SLC35F1: variants seen among roughly 807,000 people sequenced by gnomAD.
SLC35F1 encodes the protein solute carrier family 35 member F1.
Under a neutral mutation model 48.7 loss-of-function variants are expected in SLC35F1, and 14 were observed. The ratio of observed to expected loss-of-function variants is 0.29; its 90% CI spans 0.19 to 0.45. The LOEUF (loss-of-function observed/expected upper bound fraction) is 0.45. SLC35F1 is among the 20% of genes least tolerant of loss of function. SLC35F1 has a pLI of 1.00. For synonymous variants in SLC35F1, 190 were observed against 202.2 expected (o/e 0.94, Z 0.51); for missense variants, 404 against 500.0 (o/e 0.81, Z 1.83).
At chr6:118,165,035 C>G (rs1451979063) in intron 2 of SLC35F1, among the ~76,000 whole-genome samples, 1 of 152,124 alleles carries the variant, frequency 6.6e-6, no homozygotes, top group Non-Finnish European at 1.5e-5. Flanking sequence ...ACAATAGGAA[C>G]CCCAAATCTT....
At chr6:118,294,441 C>G (rs1435505681) in intron 7 of SLC35F1, among the ~76,000 whole-genome samples, 3 of 152,202 alleles carry the variant, frequency 2.0e-5, no homozygotes, top group Non-Finnish European at 2.9e-5. Context: ...AAAATAGCAG[C>G]TGACATGAAA....
At position 118,212,732 on chromosome 6, in the gene SLC35F1, AAGGAAGG is replaced by A. The variant is rs1264103061; in HGVS notation, c.350-22775_350-22769del. Among the ~76,000 whole-genome samples the A allele has an allele frequency of 1.0e-2, 313 of 31,358 alleles. 5 individuals are homozygous for A. The highest frequency in any genetic ancestry group is 0.01 in the Non-Finnish European group (169 of 16,742). 20.6% of individuals were successfully genotyped at this position (31,358 alleles called of 152,430 possible). ...AGGAAAGGAAGGAAGGAAGGAAAGG[AAGGAAGG>A]AAGGAAGGAAGGAAGGAAGGAAGGA... On this transcript the variant is annotated intron_variant, in intron 2 of 7. Transcript: ENST00000360388.
chr6:118,210,718 C>T (rs955868133), intron 2 of SLC35F1, among the ~76,000 whole-genome samples: 1 of 152,162 alleles, frequency 6.6e-6, no homozygotes, highest in African/African-American at 2.4e-5. Context: ...CAAGGGGAAC[C>T]TGTTGTGTCT....
chr6:118,192,734 C>G (rs188936009), intron 2 of SLC35F1, among the ~76,000 whole-genome samples: 1 of 152,058 alleles, frequency 6.6e-6, no homozygotes, highest in East Asian at 1.9e-4. Flanking sequence ...GAAGGTTAAA[C>G]ATTATCTTTT....
intron 1 of SLC35F1, among the ~76,000 whole-genome samples, chr6:118,097,286 C>T (rs1368718477): frequency 6.6e-6 from 1 of 152,160 alleles, no homozygotes; most frequent in African/African-American, 2.4e-5. Context: ...ACATTATACT[C>T]CCTTCAGTAT....
rs557173352 is a variant in SLC35F1, at chr6:118,145,881, C to A, written c.174-8564C>A. 9.9e-5 allele frequency among the ~76,000 whole-genome samples: 15 copies of A among 152,224 alleles called. No homozygotes were observed. The South Asian group carries it at 3.1e-3, about 32-fold the overall frequency. ...CCTCAAATTATTAAGAAATAAAATTCTTATACTATTGGGAAAACCCTTTTT... is the reference window on the plus strand; with the variant it reads ...CCTCAAATTATTAAGAAATAAAATTATTATACTATTGGGAAAACCCTTTTT... On this transcript the variant is annotated intron_variant, in intron 1 of 7. Coordinates refer to ENST00000360388, the MANE Select transcript of SLC35F1 (RefSeq NM_001029858.4).
intron 1 of SLC35F1, among the ~76,000 whole-genome samples, chr6:118,011,783 A>G (rs761662364): frequency 9.2e-5 from 14 of 152,178 alleles, no homozygotes; most frequent in Non-Finnish European, 1.6e-4. Context: ...GAGGAGCCCT[A>G]CAGTAGTACA....
intron 1 of SLC35F1, among the ~76,000 whole-genome samples, chr6:118,070,744 A>T (rs1424830157): frequency 2.0e-5 from 3 of 149,780 alleles, no homozygotes; most frequent in African/African-American, 7.4e-5. Flanking sequence ...ATGATAGATG[A>T]ATACTTAGAT....
chr6:118,012,472 A>G (rs1777263104), intron 1 of SLC35F1, among the ~76,000 whole-genome samples: 1 of 152,138 alleles, frequency 6.6e-6, no homozygotes, highest in Admixed American at 6.5e-5. Context: ...TTATTAGGAA[A>G]CCTGGGCTGA....
At chr6:118,284,777 GA>G (rs1156234689) in intron 6 of SLC35F1, among the ~76,000 whole-genome samples, 1 of 152,130 alleles carries the variant, frequency 6.6e-6, no homozygotes, top group Non-Finnish European at 1.5e-5. Flanking sequence ...GGCAATACAT[GA>G]TAGCAAGCAG....
chr6:118,238,338 C>T (rs1775392960), intron 3 of SLC35F1, among the ~76,000 whole-genome samples: 1 of 151,734 alleles, frequency 6.6e-6, no homozygotes, highest in Non-Finnish European at 1.5e-5. Flanking sequence ...TCCCAGCTGC[C>T]CAACTACTGG....
At chr6:117,960,795 G>A (rs1194184223) in intron 1 of SLC35F1, among the ~76,000 whole-genome samples, 11 of 152,198 alleles carry the variant, frequency 7.2e-5, no homozygotes, top group Admixed American at 7.2e-4. Context: ...GGGAGAGAAT[G>A]AGGGGTGATG....
At chr6:117,985,525 A>G (rs923617163) in intron 1 of SLC35F1, among the ~76,000 whole-genome samples, 1 of 152,226 alleles carries the variant, frequency 6.6e-6, no homozygotes, top group Non-Finnish European at 1.5e-5. Flanking sequence ...ATTACATTAT[A>G]CATTTCTAAT....
chr6:118,134,506 G>T (rs12110370), intron 1 of SLC35F1, among the ~76,000 whole-genome samples: 54,795 of 152,036 alleles, frequency 0.36, 10,407 homozygotes, highest in Non-Finnish European at 0.43. Flanking sequence ...GTTGATGAAG[G>T]CTGGTCAGTA....
intron 1 of SLC35F1, among the ~76,000 whole-genome samples, chr6:118,128,374 T>G (rs113023125): frequency 2.1e-5 from 3 of 139,636 alleles, no homozygotes; most frequent in Non-Finnish European, 4.8e-5. Context: ...ATGTTTATTG[T>G]GGCACTATTC....
chr6:117,998,310 C>A (rs1777031492), intron 1 of SLC35F1, among the ~76,000 whole-genome samples: 1 of 148,252 alleles, frequency 6.7e-6, no homozygotes, highest in Admixed American at 6.8e-5. Context: ...ACTTAGACTC[C>A]CACACAATAA....
At chr6:118,233,468 G>A (rs1027024272) in intron 2 of SLC35F1, among the ~76,000 whole-genome samples, 7 of 152,174 alleles carry the variant, frequency 4.6e-5, no homozygotes, top group African/African-American at 7.2e-5. Flanking sequence ...CTTCTCATGT[G>A]CAAAACCATG....
At chr6:118,177,056 A>G (rs1774500905) in intron 2 of SLC35F1, among the ~76,000 whole-genome samples, 1 of 152,120 alleles carries the variant, frequency 6.6e-6, no homozygotes, top group African/African-American at 2.4e-5. Flanking sequence ...AAGTTTTTCC[A>G]TAGTGTTATA....
At chr6:118,094,415 C>A (rs1773119199) in intron 1 of SLC35F1, among the ~76,000 whole-genome samples, 1 of 151,926 alleles carries the variant, frequency 6.6e-6, no homozygotes, top group African/African-American at 2.4e-5. Flanking sequence ...ATAAGGAAGG[C>A]AGAGAAAGTA....
Sources: gnomAD v4.1 joint callset for allele counts (sites outside exome capture counted in the v4.1 genomes callset) on GRCh38, gnomAD v4.1.1 for gene constraint, MANE v1.5 for transcripts, NCBI Gene and HGNC (gene_info 2026-07-23, HGNC 2026-07-21) for gene names.